Variants in RASSF8 observed in about 807,000 individuals in gnomAD.
RASSF8 encodes ras association domain-containing protein 8.
A neutral mutation model predicts 48.5 loss-of-function variants in RASSF8; 22 were observed. The observed-to-expected ratio is 0.45, with a 90% CI of 0.32 to 0.65. The LOEUF is 0.65. RASSF8 is among the 30% of genes least tolerant of loss of function. The probability of loss-of-function intolerance (pLI) is 0.03; values close to 1 mark genes in which losing one functional copy is unlikely to be tolerated. For missense variants in RASSF8, 418 were observed against 489.2 expected (o/e 0.85, Z 1.37); for synonymous variants, 127 against 171.5 (o/e 0.74, Z 2.03).
chr12:26,020,423 C>G (rs988810328), intron 2 of RASSF8: 3 of 152,048 alleles, frequency 2.0e-5, no homozygotes, highest in African/African-American at 7.2e-5. Context: ...TACTGCATCT[C>G]CAGGAAACTA....
rs770251561 is a variant in RASSF8 at position 25,978,684 on chromosome 12, AT to A, written c.-202-16339del. 5.2e-3 allele frequency among the ~76,000 whole-genome samples: 754 copies of A among 145,066 alleles called. 2 individuals are homozygous for A. The highest frequency in any genetic ancestry group is 0.013 in the South Asian group (57 of 4,526). ...TATTCAAATGTGTACATGTAGGTTA[AT>A]TTTTTTTTTTTTTAACCAGGGGCAC... On this transcript the variant is annotated intron_variant, in intron 1 of 5. Transcript: ENST00000689635.
At chr12:26,064,076 G>A (rs1037258335) in intron 3 of RASSF8, among the ~76,000 whole-genome samples, 1 of 152,176 alleles carries the variant, frequency 6.6e-6, no homozygotes, top group African/African-American at 2.4e-5. Flanking sequence ...CAGTGGAAAT[G>A]TATTTGAGTT....
chr12:26,079,058 G>A (rs1944095493), exon 6 of RASSF8: 1 of 1,546,124 alleles, frequency 6.5e-7, no homozygotes, highest in African/African-American at 1.4e-5. Flanking sequence ...CTGATAAGCA[G>A]GAGTGTAAAG....
chr12:26,002,348 G>A (rs1166680594), intron 2 of RASSF8, among the ~76,000 whole-genome samples: 8 of 152,178 alleles, frequency 5.3e-5, no homozygotes, highest in African/African-American at 1.7e-4. Flanking sequence ...CAGGAGAATC[G>A]CTTGAACCCA....
chr12:26,047,766 T>C (rs922716678), intron 2 of RASSF8, among the ~76,000 whole-genome samples: 1 of 152,248 alleles, frequency 6.6e-6, no homozygotes, highest in Non-Finnish European at 1.5e-5. Flanking sequence ...CCTTCAGGGC[T>C]GCCCTGCCAT....
chr12:26,040,948 C>T (rs1201008205), intron 2 of RASSF8, among the ~76,000 whole-genome samples: 1 of 150,512 alleles, frequency 6.6e-6, no homozygotes, highest in Non-Finnish European at 1.5e-5. Context: ...AGAGCAGTGG[C>T]GTGATCTCAG....
intron 2 of RASSF8, among the ~76,000 whole-genome samples, chr12:26,027,279 A>T (rs1295744197): frequency 6.6e-6 from 1 of 152,198 alleles, no homozygotes; most frequent in Non-Finnish European, 1.5e-5. Context: ...ATAGTTCCAT[A>T]ATTTTGTGAA....
chr12:26,040,290 A>G (rs867816404), intron 2 of RASSF8, among the ~76,000 whole-genome samples: 10 of 152,286 alleles, frequency 6.6e-5, no homozygotes, highest in Non-Finnish European at 1.2e-4. Context: ...AAATTTCCCA[A>G]CTTCATTCCC....
At chr12:26,011,663 A>C (rs1942528467) in intron 2 of RASSF8, 1 of 152,170 alleles carries the variant, frequency 6.6e-6, no homozygotes, top group African/African-American at 2.4e-5. Flanking sequence ...AAATGGGATT[A>C]GTGCCTTCAT....
At chr12:25,961,286 T>G (rs1941228452) in intron 1 of RASSF8, among the ~76,000 whole-genome samples, 1 of 152,244 alleles carries the variant, frequency 6.6e-6, no homozygotes, top group Non-Finnish European at 1.5e-5. Flanking sequence ...TCCTTTATTA[T>G]AAAACATTAA....
At chr12:25,985,108 G>A (rs1169867769) in intron 1 of RASSF8, among the ~76,000 whole-genome samples, 1 of 152,156 alleles carries the variant, frequency 6.6e-6, no homozygotes, top group Non-Finnish European at 1.5e-5. Context: ...TGGCCTGCTA[G>A]TGCTTAATGC....
At chr12:26,038,554 C>T (rs538857914) in intron 2 of RASSF8, among the ~76,000 whole-genome samples, 53 of 151,518 alleles carry the variant, frequency 3.5e-4, no homozygotes, top group African/African-American at 1.3e-3. Flanking sequence ...CTCTTTAATT[C>T]CCAAGATTAA....
At chr12:25,976,450 GCTT>G (rs1428129061) in intron 1 of RASSF8, among the ~76,000 whole-genome samples, 2 of 152,302 alleles carry the variant, frequency 1.3e-5, no homozygotes, top group South Asian at 4.2e-4. Flanking sequence ...CTGATTGGTT[GCTT>G]CTTCTTTTGC....
At chr12:25,996,357 C>G (rs1942133204) in intron 2 of RASSF8, among the ~76,000 whole-genome samples, 2 of 152,134 alleles carry the variant, frequency 1.3e-5, no homozygotes, top group Non-Finnish European at 2.9e-5. Flanking sequence ...GTTTTGACTA[C>G]CATTACTGAT....
At chr12:25,964,586 TTACTATTGGA>T (rs1941313640) in intron 1 of RASSF8, among the ~76,000 whole-genome samples, 1 of 152,194 alleles carries the variant, frequency 6.6e-6, no homozygotes, top group South Asian at 2.1e-4. Context: ...TATAGTAATT[TTACTATTGGA>T]AAATCGCTTA....
At chr12:26,017,766 A>G (rs1304198765) in intron 2 of RASSF8, among the ~76,000 whole-genome samples, 6 of 152,254 alleles carry the variant, frequency 3.9e-5, no homozygotes, top group African/African-American at 1.4e-4. Flanking sequence ...CAGAAAGCAA[A>G]AGCCGCTCCT....
intron 2 of RASSF8, among the ~76,000 whole-genome samples, chr12:26,021,761 G>T (rs767200803): frequency 8.5e-5 from 13 of 152,122 alleles, no homozygotes; most frequent in Non-Finnish European, 1.9e-4. Flanking sequence ...CCCCTACCCA[G>T]CCCCCAGAGC....
downstream of RASSF8, among the ~76,000 whole-genome samples, chr12:26,073,849 C>CACACACACACACACACAT (rs35014279): frequency 1.4e-5 from 2 of 144,192 alleles, no homozygotes; most frequent in South Asian, 2.2e-4. Flanking sequence ...CACACACACA[C>CACACACACACACACACAT]ATATATATAT....
chr12:25,979,561 T>A (rs1941689300), intron 1 of RASSF8, among the ~76,000 whole-genome samples: 1 of 152,198 alleles, frequency 6.6e-6, no homozygotes, highest in Non-Finnish European at 1.5e-5. Context: ...TTCACATGTA[T>A]TAACTTATTT....
Sources: gnomAD v4.1 joint callset for allele counts (sites outside exome capture counted in the v4.1 genomes callset) on GRCh38, gnomAD v4.1.1 for gene constraint, MANE v1.5 for transcripts, NCBI Gene and HGNC (gene_info 2026-07-23, HGNC 2026-07-21) for gene names.